Variants in SDC2 observed in about 807,000 individuals in gnomAD.
SDC2 encodes the protein syndecan 2, also known as syndecan-2.
In SDC2, 13 loss-of-function variants were observed where a neutral mutation model predicts 22.2. The ratio of observed to expected loss-of-function variants is 0.59; its 90% CI spans 0.38 to 0.93. The LOEUF (loss-of-function observed/expected upper bound fraction) is 0.93, where lower values mean the gene tolerates loss of function less well. Ranked by LOEUF, SDC2 falls within the 40% of genes least tolerant of loss-of-function variation. The pLI is 0.00. For synonymous variants in SDC2, 94 were observed against 92.8 expected (o/e 1.01, Z -0.07); for missense variants, 235 against 246.8 (o/e 0.95, Z 0.32).
At chr8:96,600,478 G>A (rs1814960270) in intron 2 of SDC2, among the ~76,000 whole-genome samples, 1 of 152,188 alleles carries the variant, frequency 6.6e-6, no homozygotes, top group Non-Finnish European at 1.5e-5. Context: ...GTCACTTGTT[G>A]AACAAATACC....
intron 1 of SDC2, among the ~76,000 whole-genome samples, chr8:96,532,992 C>T (rs1175199994): frequency 6.6e-6 from 1 of 152,076 alleles, no homozygotes; most frequent in Admixed American, 6.6e-5. Context: ...AGCCGCAGAC[C>T]CTTGCGGTGA....
chr8:96,543,202 A>T (rs1313598138), intron 1 of SDC2, among the ~76,000 whole-genome samples: 2 of 151,676 alleles, frequency 1.3e-5, no homozygotes, highest in Non-Finnish European at 2.9e-5. Context: ...TAACAGGTTA[A>T]TGTGTATACT....
chr8:96,583,378 A>G (rs1814625163), intron 1 of SDC2, among the ~76,000 whole-genome samples: 1 of 105,110 alleles, frequency 9.5e-6, no homozygotes, highest in Non-Finnish European at 1.9e-5. Flanking sequence ...TCATATATAA[A>G]ATATATATGA....
chr8:96,546,186 T>G (rs1471210680), intron 1 of SDC2, among the ~76,000 whole-genome samples: 1 of 152,174 alleles, frequency 6.6e-6, no homozygotes, highest in African/African-American at 2.4e-5. Flanking sequence ...GTATCCAAAG[T>G]AGCCTTAAAT....
intron 1 of SDC2, among the ~76,000 whole-genome samples, chr8:96,546,165 G>A (rs913365638): frequency 6.6e-6 from 1 of 152,188 alleles, no homozygotes; most frequent in Non-Finnish European, 1.5e-5. Context: ...CCTGATGGTG[G>A]TCCCTCACAG....
chr8:96,525,994 C>T (rs1813571618), intron 1 of SDC2, among the ~76,000 whole-genome samples: 1 of 152,014 alleles, frequency 6.6e-6, no homozygotes, highest in Non-Finnish European at 1.5e-5. Context: ...AAAGTCAGTC[C>T]CAGAGACCTT....
Position 96,609,635 on chromosome 8 carries a change from T to C in SDC2, c.*87T>C. Reference sequence around the variant, plus strand: ...TAGAATAATGAAGATCTTTGTTTTTTGTTTTCATTAAAGAGCCATTCTGGC... The same window carrying C: ...TAGAATAATGAAGATCTTTGTTTTTCGTTTTCATTAAAGAGCCATTCTGGC... On this transcript the variant is annotated 3_prime_UTR_variant, in exon 5 of 5. Transcript: ENST00000302190. 1.0e-6 allele frequency: 1 copy of C among 979,120 alleles called. No homozygotes were observed. Among genetic ancestry groups the C allele is most frequent in the Non-Finnish European group, 1.4e-6 (1 of 709,608 alleles). The allele number at this position is 979,120 out of a possible 1,614,324, so 60.7% of individuals were successfully genotyped here.
In SDC2 at chr8:96,609,601, G is replaced by T; in HGVS notation, c.*53G>T. On this transcript the variant is annotated 3_prime_UTR_variant, in exon 5 of 5. Coordinates refer to ENST00000302190, the MANE Select transcript of SDC2 (RefSeq NM_002998.4). ...AGATCACTGAACTTTTCAAAATAAA[G>T]CTTTTGCATAGAATAATGAAGATCT... is the stretch of plus-strand genomic sequence containing the variant. 1.6e-6 allele frequency: 2 copies of T among 1,288,044 alleles called. No homozygotes were observed. The highest frequency in any genetic ancestry group is 1.8e-5 in the South Asian group (1 of 55,650). The allele number at this position is 1,288,044 out of a possible 1,614,324, so 79.8% of individuals were successfully genotyped here. A position where few individuals can be genotyped will look rare whatever the true frequency, so the allele number is the denominator to read the frequency against.
chr8:96,578,802 T>TAAAG (rs542919254), intron 1 of SDC2, among the ~76,000 whole-genome samples: 1 of 151,764 alleles, frequency 6.6e-6, no homozygotes, highest in African/African-American at 2.4e-5. Context: ...GTTGAAAAAA[T>TAAAG]AAAGAAAGAA....
At position 96,583,685 on chromosome 8, in the gene SDC2, A is replaced by ATGTGTG. The variant is rs3064977; in HGVS notation, c.61-9767_61-9762dup. Among the ~76,000 whole-genome samples, 336 of 142,606 alleles carry ATGTGTG rather than the reference A, an allele frequency of 2.4e-3. 3 individuals carry two copies. Among genetic ancestry groups the ATGTGTG allele is most frequent in the East Asian group, 5.2e-3 (25 of 4,796 alleles). The allele number at this position is 142,606 out of a possible 152,430, so 93.6% of individuals were successfully genotyped here. ...AAATATATATATGTATTTGAAATAT[A>ATGTGTG]TGTGTGTGTGTGTGTGTGTGTGTGT... On this transcript the variant is annotated intron_variant, in intron 1 of 4. Transcript: ENST00000302190.
intron 1 of SDC2, among the ~76,000 whole-genome samples, chr8:96,589,082 GTTC>G (rs1320161311): frequency 6.6e-6 from 1 of 152,152 alleles, no homozygotes; most frequent in African/African-American, 2.4e-5. Context: ...ATTAACACTT[GTTC>G]TTGTCATTTT....
At chr8:96,507,337 T>C (rs1199212717) in intron 1 of SDC2, among the ~76,000 whole-genome samples, 1 of 152,234 alleles carries the variant, frequency 6.6e-6, no homozygotes, top group Non-Finnish European at 1.5e-5. Flanking sequence ...TTCTGGCACA[T>C]GTTTGACAAA....
intron 1 of SDC2, among the ~76,000 whole-genome samples, chr8:96,523,166 C>A (rs928185802): frequency 1.3e-5 from 2 of 152,036 alleles, no homozygotes; most frequent in Non-Finnish European, 2.9e-5. Flanking sequence ...TTTTTTCCTT[C>A]AAAAAATGCA....
chr8:96,508,333 AATAATAATAATT>A (rs1813277502), intron 1 of SDC2, among the ~76,000 whole-genome samples: 1 of 97,110 alleles, frequency 1.0e-5, no homozygotes, highest in East Asian at 3.1e-4. Flanking sequence ...TAATAATAAT[AATAATAATAATT>A]AGCCGGGTGT....
intron 1 of SDC2, among the ~76,000 whole-genome samples, chr8:96,530,577 T>C (rs1398267265): frequency 1.3e-5 from 2 of 152,172 alleles, no homozygotes; most frequent in Non-Finnish European, 2.9e-5. Context: ...GAGGTTGCAG[T>C]GAGCTGTGAT....
intron 1 of SDC2, among the ~76,000 whole-genome samples, chr8:96,558,352 C>T (rs1266425156): frequency 6.6e-6 from 1 of 151,988 alleles, no homozygotes; most frequent in South Asian, 2.1e-4. Context: ...TTGTGGCGTG[C>T]AGCTGATAGG....
chr8:96,604,064 A>T (rs539970439), intron 3 of SDC2, among the ~76,000 whole-genome samples: 1 of 152,308 alleles, frequency 6.6e-6, no homozygotes, highest in East Asian at 1.9e-4. Flanking sequence ...GGCTCTTACC[A>T]CATTTTTATT....
intron 1 of SDC2, among the ~76,000 whole-genome samples, chr8:96,559,325 G>A (rs956755401): frequency 6.6e-6 from 1 of 152,206 alleles, no homozygotes; most frequent in Non-Finnish European, 1.5e-5. Context: ...CACTAACTTG[G>A]AGATTGAATA....
At chr8:96,583,685 A>ATGTGTGTGTGTG (rs3064977) in intron 1 of SDC2, among the ~76,000 whole-genome samples, 2 of 142,532 alleles carry the variant, frequency 1.4e-5, no homozygotes, top group Admixed American at 7.1e-5. Flanking sequence ...TTTGAAATAT[A>ATGTGTGTGTGTG]TGTGTGTGTG....
Sources: allele counts gnomAD v4.1 joint callset (sites outside exome capture counted in the v4.1 genomes callset), GRCh38; gene constraint gnomAD v4.1.1; transcripts MANE v1.5; gene names NCBI Gene and HGNC (gene_info 2026-07-23, HGNC 2026-07-21).